WRN: variants seen among roughly 807,000 people sequenced by gnomAD.
The protein encoded by WRN is bifunctional 3'-5' exonuclease/ATP-dependent helicase WRN.
A neutral mutation model predicts 180.7 loss-of-function variants in WRN; 149 were observed. That is an observed-to-expected ratio of 0.82 (90% confidence interval 0.72 to 0.94). The LOEUF (loss-of-function observed/expected upper bound fraction) is 0.94, where lower values mean the gene tolerates loss of function less well. Ranked by LOEUF, WRN falls within the 40% of genes least tolerant of loss-of-function variation. WRN has a pLI of 0.00. For missense variants in WRN, 1,661 were observed against 1,700.1 expected (o/e 0.98, Z 0.40); for synonymous variants, 548 against 568.9 (o/e 0.96, Z 0.52).
intron 19 of WRN, among the ~76,000 whole-genome samples, chr8:31,115,138 C>T (rs1010622854): frequency 7.2e-5 from 11 of 152,068 alleles, no homozygotes; most frequent in South Asian, 2.1e-4. Context: ...TCAGGTAATC[C>T]GCCCGCCTTG....
chr8:31,080,388 A>G (rs956147536), intron 8 of WRN, among the ~76,000 whole-genome samples: 2 of 152,108 alleles, frequency 1.3e-5, no homozygotes, highest in African/African-American at 2.4e-5. Context: ...CTGAGTGCGG[A>G]GTCCTAGGCA....
At chr8:31,162,168 T>G (rs1803650104) in intron 33 of WRN, among the ~76,000 whole-genome samples, 1 of 152,268 alleles carries the variant, frequency 6.6e-6, no homozygotes, top group Non-Finnish European at 1.5e-5. Flanking sequence ...TAAAATCTTT[T>G]TACTCTTTTG....
chr8:31,122,682 G>T (rs1173499520), intron 21 of WRN, among the ~76,000 whole-genome samples: 1 of 151,528 alleles, frequency 6.6e-6, no homozygotes, highest in Non-Finnish European at 1.5e-5. Flanking sequence ...TGGAATACTG[G>T]ACTTATTTTT....
intron 21 of WRN, among the ~76,000 whole-genome samples, chr8:31,122,717 T>C (rs768475255): frequency 1.3e-5 from 2 of 151,878 alleles, no homozygotes; most frequent in Non-Finnish European, 2.9e-5. Context: ...AAAATAAATA[T>C]TTATTTATTT....
rs587778755 is a variant in WRN at position 31,081,267 on chromosome 8, C to A, written c.1240C>A (p.Leu414Ile). The A allele has an allele frequency of 2.5e-6, 4 of 1,613,412 alleles. No individual in the cohort carries two copies. In the South Asian group the frequency reaches 4.4e-5, roughly 18 times the overall value. The change falls in exon 9 of 35, where the codon CTT (leucine) becomes ATT (isoleucine). Residue 414 changes from leucine (L) to isoleucine (I), a missense_variant. By Grantham distance (5) the Leu-to-Ile change is conservative (BLOSUM62 2). Transcript: ENST00000298139. The stretch of plus-strand genomic sequence containing the variant: ...GGAACAGCAGTCTCAGGAAGAATAT[C>A]TTAGTGATATTGCTTATAAATCTAC... Reference protein sequence around the residue: ...ILEQQSQEEYLSDIAYKSTEH... With the variant: ...ILEQQSQEEYISDIAYKSTEH...
intron 7 of WRN, among the ~76,000 whole-genome samples, chr8:31,069,543 T>A (rs1227727177): frequency 6.6e-6 from 1 of 152,208 alleles, no homozygotes. Flanking sequence ...TCTATATGAA[T>A]GAAGTGATGC....
intron 9 of WRN, among the ~76,000 whole-genome samples, chr8:31,082,465 A>G (rs1350654999): frequency 2.6e-5 from 4 of 152,190 alleles, no homozygotes. Context: ...ACCATTCATA[A>G]AAGATGTTCC....
chr8:31,109,105 A>G (rs1369964472), intron 18 of WRN, among the ~76,000 whole-genome samples: 3 of 152,216 alleles, frequency 2.0e-5, no homozygotes, highest in African/African-American at 7.2e-5. Context: ...GCCTTTCGGC[A>G]GTACCGCCCC....
At chr8:31,087,058 TA>T (rs34320081) in intron 11 of WRN, among the ~76,000 whole-genome samples, 10 of 148,200 alleles carry the variant, frequency 6.7e-5, no homozygotes, top group Admixed American at 2.7e-4. Flanking sequence ...TACTTTTTTT[TA>T]AAAAAAAACC....
At chr8:31,056,965 GTC>G (rs1812298012) in intron 1 of WRN, among the ~76,000 whole-genome samples, 1 of 152,080 alleles carries the variant, frequency 6.6e-6, no homozygotes. Context: ...AGATCTTGCA[GTC>G]TCTCTCCCCC....
intron 17 of WRN, among the ~76,000 whole-genome samples, chr8:31,099,016 GAA>G (rs1056619683): frequency 7.0e-6 from 1 of 142,102 alleles, no homozygotes. Flanking sequence ...CCCCATCTCT[GAA>G]AAAAAAAAAT....
At chr8:31,170,371 G>A (rs958704446) in intron 34 of WRN, among the ~76,000 whole-genome samples, 6 of 146,894 alleles carry the variant, frequency 4.1e-5, no homozygotes, top group East Asian at 3.9e-4. Context: ...CTGCTTGACC[G>A]CTGAGTTTGA....
intron 19 of WRN, 127 bp from the exon 20 acceptor site, chr8:31,116,227 A>G: frequency 2.1e-6 from 2 of 933,070 alleles, no homozygotes; most frequent in Admixed American, 2.7e-5. Flanking sequence ...ATTATTTTTG[A>G]TAGGCTTTCT....
intron 18 of WRN, among the ~76,000 whole-genome samples, chr8:31,106,158 A>T (rs1801087924): frequency 6.6e-6 from 1 of 152,184 alleles, no homozygotes; most frequent in Non-Finnish European, 1.5e-5. Context: ...TTATTTAAAC[A>T]GTAAGGAAAT....
intron 13 of WRN, among the ~76,000 whole-genome samples, 198 bp downstream of exon 13, chr8:31,089,163 T>A (rs952773586): frequency 2.0e-5 from 3 of 152,120 alleles, no homozygotes; most frequent in Admixed American, 6.5e-5. Flanking sequence ...ATTGTTTTTA[T>A]AAGTGAGGAA....
intron 23 of WRN, among the ~76,000 whole-genome samples, chr8:31,130,680 A>G (rs1297443929): frequency 6.6e-6 from 1 of 151,934 alleles, no homozygotes; most frequent in East Asian, 1.9e-4. Flanking sequence ...GACTAAGGGA[A>G]GACTATCTTG....
chr8:31,152,554 A>G (rs982153518), intron 31 of WRN, among the ~76,000 whole-genome samples: 7 of 152,170 alleles, frequency 4.6e-5, no homozygotes, highest in Non-Finnish European at 8.8e-5. Context: ...CTTAAAAAAA[A>G]AAAGATGAGT....
At chr8:31,110,334 G>T (rs1801262526) in intron 18 of WRN, among the ~76,000 whole-genome samples, 1 of 152,078 alleles carries the variant, frequency 6.6e-6, no homozygotes, top group African/African-American at 2.4e-5. Flanking sequence ...ACAAATCAAT[G>T]AAATTAATTT....
intron 34 of WRN, among the ~76,000 whole-genome samples, chr8:31,169,121 A>G (rs1433876467): frequency 6.6e-6 from 1 of 151,804 alleles, no homozygotes; most frequent in Non-Finnish European, 1.5e-5. Context: ...AACTCCTGCT[A>G]TACATGTATG....
Sources: allele counts gnomAD v4.1 joint callset (sites outside exome capture counted in the v4.1 genomes callset), GRCh38; gene constraint gnomAD v4.1.1; transcripts MANE v1.5; gene names NCBI Gene and HGNC (gene_info 2026-07-23, HGNC 2026-07-21).